PGAP3: variants seen among roughly 807,000 people sequenced by gnomAD.
PGAP3 encodes the protein GPI-specific phospholipase A2-like PGAP3.
A neutral mutation model predicts 40.3 loss-of-function variants in PGAP3; 31 were observed. The observed-to-expected ratio is 0.77, with a 90% CI of 0.58 to 1.04. The LOEUF is 1.04. PGAP3 is among the 50% of genes least tolerant of loss of function. The pLI is 0.00. For missense variants in PGAP3, 413 were observed against 423.0 expected (o/e 0.98, Z 0.21); for synonymous variants, 191 against 184.5 (o/e 1.04, Z -0.29).
chr17:39,684,006 C>A (rs1271053638), intron 3 of PGAP3, among the ~76,000 whole-genome samples: 1 of 152,016 alleles, frequency 6.6e-6, no homozygotes, highest in Non-Finnish European at 1.5e-5. Flanking sequence ...CGCCTATCAT[C>A]CCAGCTACTT....
chr17:39,679,790 C>G (rs1386017592), intron 3 of PGAP3, among the ~76,000 whole-genome samples: 1 of 152,212 alleles, frequency 6.6e-6, no homozygotes, highest in Non-Finnish European at 1.5e-5. Flanking sequence ...ATCTACTCTT[C>G]TACTCCTATT....
intron 3 of PGAP3, among the ~76,000 whole-genome samples, chr17:39,674,965 C>T (rs1247446839): frequency 1.3e-5 from 2 of 152,144 alleles, no homozygotes; most frequent in Non-Finnish European, 2.9e-5. Context: ...TAGCCAAGCT[C>T]CCTAGTTACT....
chr17:39,673,836 C>T, intron 5 of PGAP3, 157 bp downstream of exon 5: 4 of 1,206,726 alleles, frequency 3.3e-6, no homozygotes, highest in Non-Finnish European at 4.7e-6. Context: ...GCCCCCAGTC[C>T]TACCCCAGAG....
chr17:39,688,007 C>T lies in PGAP3; in HGVS notation c.8G>A (p.Gly3Asp), dbSNP rs767944583. The change falls in exon 1 of 8, where the codon GGC (glycine) becomes GAC (aspartate). Residue 3 changes from glycine (G) to aspartate (D), a missense_variant. Transcript: ENST00000300658. ...TAGCAGGACCAACCGCGCCGCCAGG[C>T]CGGCCATCCTTTCTCCCTGGCTCGC... MA[G>D]LAARLVLLAG... 66 of 1,408,228 alleles carry T rather than the reference C, an allele frequency of 4.7e-5. No homozygotes were observed. The East Asian group carries it at 1.1e-3, about 23-fold the overall frequency. 87.2% of individuals were successfully genotyped at this position (1,408,228 alleles called of 1,614,324 possible).
intron 1 of PGAP3, among the ~76,000 whole-genome samples, chr17:39,686,545 C>T (rs946290614): frequency 2.7e-5 from 4 of 147,064 alleles, no homozygotes; most frequent in Non-Finnish European, 5.9e-5. Context: ...CACGAGCCAC[C>T]GCACCCGGCA....
chr17:39,686,035 G>A lies in PGAP3; in HGVS notation c.182-16C>T. 1.9e-6 allele frequency: 3 copies of A among 1,606,334 alleles called. No individual in the cohort carries two copies. The highest frequency in any genetic ancestry group is 1.3e-5 in the African/African-American group (1 of 74,824). Reference sequence around the variant, plus strand: ...CAGGTCCAGCCTGAAACAGACAAATGTGGCCTGGTGAACTCCCCAGCACAG... The same window carrying A: ...CAGGTCCAGCCTGAAACAGACAAATATGGCCTGGTGAACTCCCCAGCACAG... On this transcript the variant is annotated splice_polypyrimidine_tract_variant and intron_variant, in intron 1 of 7. Coordinates refer to ENST00000300658, the MANE Select transcript of PGAP3 (RefSeq NM_033419.5).
chr17:39,685,506 A>C (rs1014389985), intron 2 of PGAP3, among the ~76,000 whole-genome samples: 2 of 151,834 alleles, frequency 1.3e-5, no homozygotes, highest in African/African-American at 4.8e-5. Context: ...AAAAAAACAA[A>C]AAACAAAAAA....
At chr17:39,682,254 A>T (rs1382290680) in intron 3 of PGAP3, among the ~76,000 whole-genome samples, 1 of 149,192 alleles carries the variant, frequency 6.7e-6, no homozygotes, top group Non-Finnish European at 1.5e-5. Context: ...AAAAAAAAAA[A>T]AAAAAAATCT....
chr17:39,677,732 T>C (rs1216924305), intron 3 of PGAP3, among the ~76,000 whole-genome samples: 1 of 151,982 alleles, frequency 6.6e-6, no homozygotes, highest in Admixed American at 6.6e-5. Context: ...AATAGGAGAC[T>C]GGGTGGAGGG....
Position 39,672,717 on chromosome 17 carries a change from G to A in PGAP3, c.*86C>T, listed in dbSNP as rs1310626763. 14 of 1,357,744 alleles carry A rather than the reference G, an allele frequency of 1.0e-5. No individual in the cohort carries two copies. Among genetic ancestry groups the A allele is most frequent in the Admixed American group, 3.5e-5 (2 of 56,986 alleles). 84.1% of individuals were successfully genotyped at this position (1,357,744 alleles called of 1,614,324 possible). A position where few individuals can be genotyped will look rare whatever the true frequency, so the allele number is the denominator to read the frequency against. On this transcript the variant is annotated 3_prime_UTR_variant, in exon 8 of 8. Coordinates refer to ENST00000300658, the MANE Select transcript of PGAP3 (RefSeq NM_033419.5). ...GTCCAAGTTCAAGAAGTTGAAAAGA[G>A]AAAATCATCTCAAGGGTTGAGGGGA... is the stretch of plus-strand genomic sequence containing the variant.
intron 3 of PGAP3, among the ~76,000 whole-genome samples, chr17:39,680,260 T>C (rs970902845): frequency 6.6e-6 from 1 of 152,232 alleles, no homozygotes; most frequent in African/African-American, 2.4e-5. Flanking sequence ...GCTAACTTGT[T>C]AGCTGTGCAT....
intron 2 of PGAP3, chr17:39,684,968 GTAAGCC>G: frequency 1.8e-6 from 1 of 547,876 alleles, no homozygotes; most frequent in South Asian, 2.4e-5. Flanking sequence ...GCACAGCACT[GTAAGCC>G]CTGATCTCTG....
At chr17:39,683,086 A>C (rs1449964068) in intron 3 of PGAP3, among the ~76,000 whole-genome samples, 2 of 151,552 alleles carry the variant, frequency 1.3e-5, no homozygotes, top group Non-Finnish European at 2.9e-5. Flanking sequence ...AAATAAAATA[A>C]AATAAAATAA....
intron 4 of PGAP3, 22 bp downstream of exon 4, chr17:39,674,595 G>A (rs1292729330): frequency 1.9e-6 from 3 of 1,546,868 alleles, no homozygotes; most frequent in Non-Finnish European, 2.6e-6. Context: ...TGTGCAGGAG[G>A]GGGAGCTGGA....
At position 39,674,647 on chromosome 17, in the gene PGAP3, A is replaced by G. The variant is rs2941504; in HGVS notation, c.465T>C (p.Val155=). Residue 155 remains valine, a synonymous_variant, in exon 4 of 8, where the codon GTT becomes GTC. Transcript: ENST00000300658. ...TGAGGTCAGTGTCCCTGGTGTGGAA[A>G]ACTGTGGACCAGAACCATGCATTGA... ...VSLNAWFWST[V]FHTRDTDLTE... is the part of the protein sequence containing the mutation. 1,062,933 of 1,549,746 alleles carry G rather than the reference A, an allele frequency of 0.69. 367,720 individuals are homozygous for G. The highest frequency in any genetic ancestry group is 0.77 in the South Asian group (64,541 of 83,946).
At chr17:39,687,242 C>A (rs2057558364) in intron 1 of PGAP3, among the ~76,000 whole-genome samples, 1 of 152,166 alleles carries the variant, frequency 6.6e-6, no homozygotes, top group Admixed American at 6.5e-5. Context: ...TCTCTAATCC[C>A]CATCTGTAAA....
At chr17:39,677,080 G>C (rs2057383926) in intron 3 of PGAP3, among the ~76,000 whole-genome samples, 1 of 152,274 alleles carries the variant, frequency 6.6e-6, no homozygotes, top group South Asian at 2.1e-4. Flanking sequence ...CCCCTACGCA[G>C]CTGTGTGACC....
intron 3 of PGAP3, among the ~76,000 whole-genome samples, chr17:39,677,379 T>C (rs907090): frequency 0.58 from 88,526 of 151,940 alleles, 26,802 homozygotes; most frequent in South Asian, 0.7. Flanking sequence ...CTATGGGGCC[T>C]CAGGGTCTCT....
chr17:39,678,033 C>A (rs937812988), intron 3 of PGAP3, among the ~76,000 whole-genome samples: 7 of 152,130 alleles, frequency 4.6e-5, no homozygotes, highest in Non-Finnish European at 7.4e-5. Context: ...GCAGGGCAGG[C>A]CAGCCCCAGC....
Sources: gnomAD v4.1 joint callset for allele counts (sites outside exome capture counted in the v4.1 genomes callset) on GRCh38, gnomAD v4.1.1 for gene constraint, MANE v1.5 for transcripts, NCBI Gene and HGNC (gene_info 2026-07-23, HGNC 2026-07-21) for gene names.